The following NEDD4 variants were observed in gnomAD, a reference collection of about 807,000 sequenced individuals.
NEDD4 encodes E3 ubiquitin-protein ligase NEDD4.
Under a neutral mutation model 144.9 loss-of-function variants are expected in NEDD4, and 99 were observed. The ratio of observed to expected loss-of-function variants is 0.68; its 90% confidence interval spans 0.58 to 0.81. NEDD4 has a LOEUF of 0.81. Ranked by LOEUF, NEDD4 falls within the 30% of genes least tolerant of loss-of-function variation. The pLI is 0.00. For missense variants in NEDD4, 985 were observed against 1,065.9 expected, an observed-to-expected ratio of 0.92 and a Z score of 1.06; for synonymous variants, 318 against 350.6, an observed-to-expected ratio of 0.91 and a Z score of 1.04.
At chr15:55,954,736 C>T (rs1295068096) in intron 2 of NEDD4, among the ~76,000 whole-genome samples, 1 of 152,146 alleles carries the variant, frequency 6.6e-6, no homozygotes, top group Non-Finnish European at 1.5e-5. Context: ...GTTGGTCAGG[C>T]TGGTCTTCAA....
At chr15:55,900,832 A>G (rs1374506895) in intron 5 of NEDD4, among the ~76,000 whole-genome samples, 3 of 152,204 alleles carry the variant, frequency 2.0e-5, no homozygotes, top group South Asian at 2.1e-4. Context: ...ACACTAGGAT[A>G]TATTTCCCAT....
chr15:55,990,747 A>G (rs546208443), intron 1 of NEDD4, among the ~76,000 whole-genome samples: 5 of 152,276 alleles, frequency 3.3e-5, no homozygotes, highest in Non-Finnish European at 5.9e-5. Context: ...CATGGGAAGG[A>G]GGTGGGAAGT....
At chr15:55,848,172 G>A (rs1442169415) in intron 17 of NEDD4, among the ~76,000 whole-genome samples, 200 bp downstream of exon 17, 1 of 152,208 alleles carries the variant, frequency 6.6e-6, no homozygotes, top group East Asian at 1.9e-4. Context: ...TCCCCTCACT[G>A]CTATTGCGTA....
chr15:55,893,249 C>T (rs2035628821), intron 5 of NEDD4, among the ~76,000 whole-genome samples: 1 of 152,030 alleles, frequency 6.6e-6, no homozygotes, highest in Non-Finnish European at 1.5e-5. Flanking sequence ...CTTCACAGAG[C>T]TGTATTAAAA....
In NEDD4 at chr15:55,969,217, G is replaced by C. The variant is rs1449662865; in HGVS notation, c.46-2671C>G. 5.9e-5 allele frequency among the ~76,000 whole-genome samples: 9 copies of C among 152,304 alleles called. No individual in the cohort carries two copies. In the South Asian group the frequency reaches 1.9e-3, roughly 32 times the overall value. ...GGCAACAGAGGGCAGAAGTCAGCTT[G>C]CACCCATGGAGGGAGTATTTAGACC... On this transcript the variant is annotated intron_variant, in intron 1 of 28. Transcript: ENST00000435532.
intron 5 of NEDD4, among the ~76,000 whole-genome samples, chr15:55,878,405 TTA>T (rs1384341300): frequency 6.6e-6 from 1 of 152,110 alleles, no homozygotes; most frequent in Non-Finnish European, 1.5e-5. Flanking sequence ...ATGGTAAATA[TTA>T]TATGAAAATA....
intron 7 of NEDD4, among the ~76,000 whole-genome samples, chr15:55,870,958 G>A (rs1385979324): frequency 6.6e-6 from 1 of 151,980 alleles, no homozygotes; most frequent in African/African-American, 2.4e-5. Context: ...CAGATATGTA[G>A]CAATTACCCT....
chr15:55,992,240 G>A (rs1184586967), intron 1 of NEDD4, among the ~76,000 whole-genome samples: 1 of 152,204 alleles, frequency 6.6e-6, no homozygotes, highest in African/African-American at 2.4e-5. Flanking sequence ...GAGGGACTAT[G>A]AGCCGCCACC....
chr15:55,986,831 G>A (rs1344526311), intron 1 of NEDD4, among the ~76,000 whole-genome samples: 9 of 151,426 alleles, frequency 5.9e-5, no homozygotes, highest in East Asian at 3.9e-4. Context: ...TCCCGACCTC[G>A]TGATCCACCC....
intron 1 of NEDD4, among the ~76,000 whole-genome samples, chr15:55,969,331 T>C (rs7170900): frequency 0.15 from 23,161 of 152,066 alleles, 1,949 homozygotes; most frequent in East Asian, 0.32. Flanking sequence ...CACTCCAAGA[T>C]CCTAAATAAA....
intron 5 of NEDD4, among the ~76,000 whole-genome samples, chr15:55,903,376 T>C (rs771414736): frequency 6.6e-5 from 10 of 152,164 alleles, no homozygotes; most frequent in Non-Finnish European, 1.5e-5. Context: ...ATTTGCTAGA[T>C]TTGTGATTTT....
intron 1 of NEDD4, among the ~76,000 whole-genome samples, chr15:55,983,309 CGCGT>C (rs1171911286): frequency 5.3e-5 from 8 of 152,194 alleles, no homozygotes; most frequent in Admixed American, 4.6e-4. Context: ...TGCGTGCGCG[CGCGT>C]GCGTGCATTT....
intron 5 of NEDD4, among the ~76,000 whole-genome samples, chr15:55,889,687 GTGTTT>G (rs1232189858): frequency 8.4e-4 from 127 of 151,798 alleles, no homozygotes; most frequent in African/African-American, 2.5e-3. Context: ...ATTTAATTTA[GTGTTT>G]TGTTTTGTTT....
chr15:55,883,520 G>A (rs2035270999), intron 5 of NEDD4, among the ~76,000 whole-genome samples: 1 of 150,390 alleles, frequency 6.6e-6, no homozygotes, highest in African/African-American at 2.5e-5. Flanking sequence ...TAGAGCCCTA[G>A]GGCCTTGGAG....
intron 12 of NEDD4, among the ~76,000 whole-genome samples, chr15:55,853,661 A>G (rs1031638028): frequency 1.3e-5 from 2 of 152,194 alleles, no homozygotes; most frequent in African/African-American, 2.4e-5. Context: ...ATGAATAAAG[A>G]GAAGTCTGGT....
At chr15:55,855,129 C>T (rs1215580730) in intron 12 of NEDD4, among the ~76,000 whole-genome samples, 3 of 152,106 alleles carry the variant, frequency 2.0e-5, no homozygotes, top group Non-Finnish European at 2.9e-5. Context: ...CATAGGTGGG[C>T]GACCTCTCAT....
intron 5 of NEDD4, among the ~76,000 whole-genome samples, chr15:55,907,334 T>C (rs1317427493): frequency 2.0e-5 from 3 of 152,118 alleles, no homozygotes; most frequent in African/African-American, 4.8e-5. Flanking sequence ...ACTTTTAAAA[T>C]GGGCACATGT....
chr15:55,832,043 T>C (rs1335368496), intron 27 of NEDD4, among the ~76,000 whole-genome samples: 2 of 152,188 alleles, frequency 1.3e-5, no homozygotes, highest in African/African-American at 2.4e-5. Flanking sequence ...AATAATTTGA[T>C]AGAATACATA....
chr15:55,838,678 G>A, intron 21 of NEDD4, 74 bp from the exon 22 acceptor site: 1 of 938,164 alleles, frequency 1.1e-6, no homozygotes, highest in Admixed American at 2.1e-5. Context: ...AGTATGTAGA[G>A]GGTCTGAATA....
Sources: allele counts gnomAD v4.1 joint callset (sites outside exome capture counted in the v4.1 genomes callset), GRCh38; gene constraint gnomAD v4.1.1; transcripts MANE v1.5; gene names NCBI Gene and HGNC (gene_info 2026-07-23, HGNC 2026-07-21).